Variants in XKR9 observed in about 807,000 individuals in gnomAD.
XKR9 encodes the protein XK related 9, also known as XK-related protein 9.
Under a neutral mutation model 32.0 loss-of-function variants are expected in XKR9, and 32 were observed. That is an observed-to-expected ratio of 1.00 (90% confidence interval 0.76 to 1.34). The LOEUF (loss-of-function observed/expected upper bound fraction) is 1.34. Ranked by LOEUF, XKR9 falls within the 40% of genes most tolerant of loss-of-function variation. The pLI, the probability that XKR9 is intolerant of heterozygous loss-of-function variation, is 0.00. For synonymous variants in XKR9, 168 were observed against 143.4 expected (o/e 1.17, Z -1.22); for missense variants, 546 against 429.7 (o/e 1.27, Z -2.39).
At chr8:70,952,456 C>G in the XKR9 span, among the ~76,000 whole-genome samples, 1 of 152,222 alleles carries the variant, frequency 6.6e-6, no homozygotes, top group African/African-American at 2.4e-5. Context: ...CTTGTCCTCT[C>G]TGCCTCCTTT....
At chr8:70,723,145 A>G (rs1806339434) in intron 4 of XKR9, among the ~76,000 whole-genome samples, 1 of 152,092 alleles carries the variant, frequency 6.6e-6, no homozygotes, top group African/African-American at 2.4e-5. Context: ...TTTCAGCTCC[A>G]TCAGTTCATT....
At chr8:70,825,923 C>T in the XKR9 span, among the ~76,000 whole-genome samples, 1 of 152,058 alleles carries the variant, frequency 6.6e-6, no homozygotes, top group African/African-American at 2.4e-5. Context: ...ATAAACTATA[C>T]TTCCTTCAGA....
chr8:70,733,073 C>T (rs1344153570), intron 4 of XKR9, among the ~76,000 whole-genome samples: 2 of 151,568 alleles, frequency 1.3e-5, no homozygotes, highest in East Asian at 3.8e-4. Flanking sequence ...CACCACTGCA[C>T]TCCAGCCATA....
At chr8:70,896,078 A>G in the XKR9 span, among the ~76,000 whole-genome samples, 11 of 152,180 alleles carry the variant, frequency 7.2e-5, no homozygotes, top group Non-Finnish European at 1.3e-4. Flanking sequence ...CTCATGATGA[A>G]TTGTACTTTT....
the XKR9 span, among the ~76,000 whole-genome samples, chr8:70,916,337 G>A: frequency 6.6e-6 from 1 of 152,138 alleles, no homozygotes; most frequent in Non-Finnish European, 1.5e-5. Context: ...AACCTTTAGA[G>A]GGCAAGGGGT....
intron 4 of XKR9, among the ~76,000 whole-genome samples, chr8:70,715,130 T>C (rs1806046907): frequency 6.6e-6 from 1 of 152,154 alleles, no homozygotes; most frequent in Admixed American, 6.6e-5. Flanking sequence ...AAAGACAATT[T>C]AGTGAAATGT....
chr8:70,973,903 G>A, the XKR9 span, among the ~76,000 whole-genome samples: 3 of 152,316 alleles, frequency 2.0e-5, no homozygotes, highest in East Asian at 3.9e-4. Context: ...CTTGGAGAAT[G>A]TTCCATGTGC....
At chr8:70,863,137 A>C in the XKR9 span, among the ~76,000 whole-genome samples, 1 of 152,170 alleles carries the variant, frequency 6.6e-6, no homozygotes, top group Non-Finnish European at 1.5e-5. Flanking sequence ...TATGTTAAGC[A>C]CTTTGCTGGA....
intron 3 of XKR9, among the ~76,000 whole-genome samples, chr8:70,695,128 CTTTTTTT>C (rs149186256): frequency 0.15 from 18,306 of 125,328 alleles, 1,362 homozygotes; most frequent in South Asian, 0.25. Context: ...CCTTGTTTTT[CTTTTTTT>C]TTTTTTTTTT....
At chr8:71,014,343 A>G in the XKR9 span, among the ~76,000 whole-genome samples, 4 of 152,180 alleles carry the variant, frequency 2.6e-5, no homozygotes, top group Admixed American at 2.6e-4. Context: ...GTGTTCTCTC[A>G]CAGTTCTGGA....
intron 1 of XKR9, among the ~76,000 whole-genome samples, chr8:70,670,367 CAGCTTCCCATAAAAAA>C (rs1372901716): frequency 2.0e-5 from 3 of 152,200 alleles, no homozygotes; most frequent in African/African-American, 7.2e-5. Flanking sequence ...GTGTTAACTA[CAGCTTCCCATAAAAAA>C]AGTTGAGTTA....
At chr8:70,904,204 A>G in the XKR9 span, among the ~76,000 whole-genome samples, 5 of 151,434 alleles carry the variant, frequency 3.3e-5, 1 homozygote, top group Non-Finnish European at 7.4e-5. Flanking sequence ...GATCTGTCTA[A>G]TGACAGTGGG....
At chr8:70,755,590 T>A (rs950188294) in intron 2 of XKR9, among the ~76,000 whole-genome samples, 180 of 152,206 alleles carry the variant, frequency 1.2e-3, no homozygotes, top group African/African-American at 4.2e-3. Flanking sequence ...TAAAAAATGA[T>A]GAGTTCATGT....
At chr8:71,059,739 T>C in the XKR9 span, among the ~76,000 whole-genome samples, 1 of 152,178 alleles carries the variant, frequency 6.6e-6, no homozygotes, top group African/African-American at 2.4e-5. Flanking sequence ...AAGTTAGAGC[T>C]GGAAAAGACC....
chr8:70,841,460 A>G, the XKR9 span, among the ~76,000 whole-genome samples: 1 of 152,216 alleles, frequency 6.6e-6, no homozygotes, highest in African/African-American at 2.4e-5. Flanking sequence ...TTGCAAGAAC[A>G]GCTTAAAAAA....
At chr8:70,951,750 CTT>C in the XKR9 span, among the ~76,000 whole-genome samples, 9 of 152,282 alleles carry the variant, frequency 5.9e-5, no homozygotes, top group South Asian at 1.0e-3. Flanking sequence ...AAGTCTCTCT[CTT>C]GGCAGGTTAA....
At chr8:70,703,012 T>G (rs1316712505) in intron 3 of XKR9, among the ~76,000 whole-genome samples, 3 of 152,228 alleles carry the variant, frequency 2.0e-5, no homozygotes, top group Admixed American at 2.0e-4. Context: ...TTTCAGGCTT[T>G]CTTTTTACAT....
chr8:70,778,633 G>T (rs1807567647), intron 2 of XKR9, among the ~76,000 whole-genome samples: 1 of 152,074 alleles, frequency 6.6e-6, no homozygotes, highest in Non-Finnish European at 1.5e-5. Context: ...CTGAGCAGTG[G>T]TTTGTAGTTC....
chr8:70,901,500 G>C, the XKR9 span, among the ~76,000 whole-genome samples: 3 of 152,114 alleles, frequency 2.0e-5, no homozygotes, highest in African/African-American at 7.2e-5. Context: ...ACTTTTTGAA[G>C]GGGTGTTTGG....
Sources: allele counts gnomAD v4.1 joint callset (sites outside exome capture counted in the v4.1 genomes callset), GRCh38; gene constraint gnomAD v4.1.1; transcripts MANE v1.5; gene names NCBI Gene and HGNC (gene_info 2026-07-23, HGNC 2026-07-21).